Variants in B3GALT2 observed in about 807,000 individuals in gnomAD.
B3GALT2 encodes UDP-Gal:betaGlcNAc beta 1,3-galactosyltransferase, polypeptide 2.
A neutral mutation model predicts 33.5 loss-of-function variants in B3GALT2; 13 were observed. That is an observed-to-expected ratio of 0.39 (90% confidence interval 0.25 to 0.62). B3GALT2 has a LOEUF of 0.62. Ranked by LOEUF, B3GALT2 falls within the 20% of genes least tolerant of loss-of-function variation. The pLI is 0.53. For missense variants in B3GALT2, 418 were observed against 509.1 expected (o/e 0.82, Z 1.72); for synonymous variants, 195 against 172.7 (o/e 1.13, Z -1.01).
In B3GALT2 at chr1:193,181,267, G is replaced by A; in HGVS notation, c.296C>T (p.Ser99Phe). Residue 99 changes from serine to phenylalanine, a missense_variant, in exon 2 of 2, where the codon TCT (serine) becomes TTT (phenylalanine). Physicochemically the swap from Ser to Phe is radical, Grantham distance 155. This residue lies in a region of B3GALT2 where 188 missense variants were observed against 197.5 expected (regional missense o/e 0.95). Transcript: ENST00000367434. ...QTLRPQTATN[S>F]NNTDLSPQGV... ...TTGTGGTGACAGGTCTGTGTTATTA[G>A]AGTTAGTTGCTGTTTGAGGCCTCAG... is the stretch of plus-strand genomic sequence containing the variant. The A allele has an allele frequency of 1.2e-6, 2 of 1,614,058 alleles. No homozygotes were observed. Among genetic ancestry groups the A allele is most frequent in the Non-Finnish European group, 8.5e-7 (1 of 1,179,968 alleles).
At position 193,181,243 on chromosome 1, in the gene B3GALT2, TGTG is replaced by T. The variant is rs1483934633; in HGVS notation, c.317_319del (p.Pro106del). The T allele has an allele frequency of 3.1e-6, 5 of 1,614,076 alleles. No individual in the cohort carries two copies. Among genetic ancestry groups the T allele is most frequent in the South Asian group, 1.1e-5 (1 of 91,086 alleles). Reference sequence around the variant, plus strand: ...TGTATTCTCCAGGCCTGTAACTCCTTGTGGTGACAGGTCTGTGTTATTAGAGTT... The same window carrying T: ...TGTATTCTCCAGGCCTGTAACTCCTTGTGACAGGTCTGTGTTATTAGAGTT... On this transcript the variant is annotated inframe_deletion, in exon 2 of 2. Coordinates refer to ENST00000367434, the MANE Select transcript of B3GALT2 (RefSeq NM_003783.3).
At chr1:193,184,949 T>TA (rs1190999710) in intron 1 of B3GALT2, among the ~76,000 whole-genome samples, 4 of 152,020 alleles carry the variant, frequency 2.6e-5, no homozygotes, top group African/African-American at 9.7e-5. Flanking sequence ...GGATCTTTGA[T>TA]AGATTTGTAG....
chr1:193,181,164 A>T lies in B3GALT2; in HGVS notation c.399T>A (p.Ser133=). ...YNEKGTGHPN[S]YHFKYIINEP... ...CATTAATAATATATTTGAAATGGTA[A>T]GAATTTGGATGTCCAGTACCTTTTT... is the stretch of plus-strand genomic sequence containing the variant. Residue 133 remains serine, a synonymous_variant, in exon 2 of 2, where the codon TCT becomes TCA. Coordinates refer to ENST00000367434, the MANE Select transcript of B3GALT2 (RefSeq NM_003783.3). The T allele has an allele frequency of 6.2e-7, 1 of 1,613,936 alleles. No homozygotes were observed. Among genetic ancestry groups the T allele is most frequent in the South Asian group, 1.1e-5 (1 of 91,046 alleles).
Position 193,180,136 on chromosome 1 carries a change from T to A in B3GALT2, c.*158A>T. On this transcript the variant is annotated 3_prime_UTR_variant, in exon 2 of 2. Coordinates refer to ENST00000367434, the MANE Select transcript of B3GALT2 (RefSeq NM_003783.3). ...CTTTTTTGTTATATAATGTTATAGT[T>A]TTAAGAATTAACTTCTTCAGAAATT... The A allele has an allele frequency of 1.5e-6, 1 of 645,506 alleles. No individual in the cohort carries two copies. Among genetic ancestry groups the A allele is most frequent in the South Asian group, 3.6e-5 (1 of 27,822 alleles). The allele number at this position is 645,506 out of a possible 1,614,324, so 40.0% of individuals were successfully genotyped here. A position where few individuals can be genotyped will look rare whatever the true frequency, so the allele number is the denominator to read the frequency against.
At position 193,181,147 on chromosome 1, in the gene B3GALT2, A is replaced by G. The variant is rs764232357; in HGVS notation, c.416T>C (p.Ile139Thr). The change falls in exon 2 of 2, where the codon ATT (isoleucine) becomes ACT (threonine). Residue 139 changes from isoleucine to threonine, a missense_variant. Ile to Thr is a moderately conservative substitution (Grantham distance 89). Transcript: ENST00000367434. ...GHPNSYHFKY[I>T]INEPEKCQEK... Reference sequence around the variant, plus strand: ...TTGGCATTTTTCAGGCTCATTAATAATATATTTGAAATGGTAAGAATTTGG... The same window carrying G: ...TTGGCATTTTTCAGGCTCATTAATAGTATATTTGAAATGGTAAGAATTTGG... The G allele has an allele frequency of 1.9e-6, 3 of 1,614,012 alleles. No homozygotes were observed. The highest frequency in any genetic ancestry group is 2.5e-6 in the Non-Finnish European group (3 of 1,179,938).
chr1:193,183,828 A>C (rs375795480), intron 1 of B3GALT2, among the ~76,000 whole-genome samples: 2 of 152,018 alleles, frequency 1.3e-5, no homozygotes, highest in East Asian at 1.9e-4. Flanking sequence ...TAATACTTGG[A>C]ATCTGGTTGA....
At position 193,181,545 on chromosome 1, in the gene B3GALT2, TCTC is replaced by T. The variant is rs1676717083; in HGVS notation, c.15_17del (p.Arg7del). ...TCATCTTTGCAAAGCAGCAGTGTCT[TCTC>T]CTCCACTGAAGCATGTTGTAAATAT... On this transcript the variant is annotated inframe_deletion, in exon 2 of 2. Coordinates refer to ENST00000367434, the MANE Select transcript of B3GALT2 (RefSeq NM_003783.3). 5.0e-6 allele frequency: 8 copies of T among 1,593,960 alleles called. No homozygotes were observed. The highest frequency in any genetic ancestry group is 4.5e-5 in the East Asian group (2 of 44,822).
intron 1 of B3GALT2, among the ~76,000 whole-genome samples, chr1:193,181,894 G>A (rs1676723697): frequency 6.6e-6 from 1 of 152,104 alleles, no homozygotes; most frequent in Non-Finnish European, 1.5e-5. Flanking sequence ...ATTTTAAAGA[G>A]ATGAGGTGAT....
rs1490072277 is a variant in B3GALT2, at chr1:193,181,032, T to C, written c.531A>G (p.Glu177=). Residue 177 remains glutamate (E), a synonymous_variant, in exon 2 of 2, where the codon GAA becomes GAG. Coordinates refer to ENST00000367434, the MANE Select transcript of B3GALT2 (RefSeq NM_003783.3). ...TGATTTGAATACCAGGTGCTAGACT[T>C]TCATTGCCCCAAGTTTGCCGAATAG... ...RRAIRQTWGN[E]SLAPGIQITR... The C allele has an allele frequency of 6.2e-7, 1 of 1,613,854 alleles. No homozygotes were observed. Among genetic ancestry groups the C allele is most frequent in the Non-Finnish European group, 8.5e-7 (1 of 1,179,950 alleles).
In B3GALT2 at chr1:193,180,668, G is replaced by A; in HGVS notation, c.895C>T (p.Pro299Ser). ...CGCTCACTTGGGTAGAGGTCTGGTG[G>A]CATGTACCACTTGCTATCTTTGTTT... ...NRNKDSKWYM[P>S]PDLYPSERYP... is the part of the protein sequence containing the mutation. Residue 299 changes from proline to serine, a missense_variant, in exon 2 of 2, where the codon CCA becomes TCA. Physicochemically the swap from Pro to Ser is moderately conservative, Grantham distance 74. This residue lies in a region of B3GALT2 where 226 missense variants were observed against 293.9 expected (regional missense o/e 0.77). Transcript: ENST00000367434. 1 of 1,614,026 alleles carries A rather than the reference G, an allele frequency of 6.2e-7. No homozygotes were observed.
rs1459891802 is a variant in B3GALT2, at chr1:193,181,358, A to C, written c.205T>G (p.Ser69Ala). 1.2e-6 allele frequency: 2 copies of C among 1,614,000 alleles called. No homozygotes were observed. Among genetic ancestry groups the C allele is most frequent in the South Asian group, 2.2e-5 (2 of 91,082 alleles). The part of the protein sequence containing the change: ...PVTYTFRGFR[S>A]TKSETNHSSL... ...CTGTGGTTTGTCTCACTTTTTGTTG[A>C]CCGAAATCCTCGGAAAGTGTATGTC... The change falls in exon 2 of 2, where the codon TCA becomes GCA. Residue 69 changes from serine to alanine, a missense_variant. Ser to Ala is a moderately conservative substitution (Grantham distance 99). Around this residue, in one of 3 missense-constraint regions of B3GALT2, gnomAD observed 188 missense variants for 197.5 expected, o/e 0.95. Transcript: ENST00000367434.
rs1245602161 is a variant in B3GALT2 at position 193,181,636 on chromosome 1, T to C, written c.-74A>G. ...TTTTCTTCTCCTTAATACTATTCTT[T>C]GGCAATCATTTTCTAATTCAGTCAC... On this transcript the variant is annotated 5_prime_UTR_variant, in exon 2 of 2. Transcript: ENST00000367434. 2 of 1,320,396 alleles carry C rather than the reference T, an allele frequency of 1.5e-6. 1 individual carries two copies. Among genetic ancestry groups the C allele is most frequent in the South Asian group, 2.9e-5 (2 of 67,802 alleles). 81.8% of individuals were successfully genotyped at this position (1,320,396 alleles called of 1,614,324 possible). A position where few individuals can be genotyped will look rare whatever the true frequency, so the allele number is the denominator to read the frequency against.
chr1:193,181,974 A>G (rs1165175570), intron 1 of B3GALT2, among the ~76,000 whole-genome samples: 1 of 152,178 alleles, frequency 6.6e-6, no homozygotes, highest in Non-Finnish European at 1.5e-5. Context: ...TTAAAAGTTG[A>G]ATGTATTCGA....
chr1:193,182,348 T>C lies in B3GALT2; in HGVS notation c.-120-666A>G, dbSNP rs143430045. On this transcript the variant is annotated intron_variant, in intron 1 of 1. Coordinates refer to ENST00000367434, the MANE Select transcript of B3GALT2 (RefSeq NM_003783.3). ...TTTCAAAAATTTTAACTTTTCTTTG[T>C]AAATATGAAGTATTCATGATATAAT... Among the ~76,000 whole-genome samples, 127 of 152,290 alleles carry C rather than the reference T, an allele frequency of 8.3e-4. 1 individual carries two copies. The East Asian group carries it at 0.011, about 14-fold the overall frequency.
At chr1:193,185,757 C>T (rs1676795773) in intron 1 of B3GALT2, among the ~76,000 whole-genome samples, 1 of 151,912 alleles carries the variant, frequency 6.6e-6, no homozygotes, top group African/African-American at 2.4e-5. Flanking sequence ...TTAAGGAATC[C>T]TTTAAACACA....
chr1:193,180,786 A>G lies in B3GALT2; in HGVS notation c.777T>C (p.Thr259=), dbSNP rs1273663659. ...MKTDSDMFVN[T]EYLINKLLKP... is the part of the protein sequence containing the mutation. Reference sequence around the variant, plus strand: ...TCAGTAACTTATTGATTAAATATTCAGTGTTGACAAACATGTCACTGTCAG... The same window carrying G: ...TCAGTAACTTATTGATTAAATATTCGGTGTTGACAAACATGTCACTGTCAG... Residue 259 remains threonine (T), a synonymous_variant, in exon 2 of 2, where the codon ACT becomes ACC. Transcript: ENST00000367434. 6.2e-7 allele frequency: 1 copy of G among 1,614,134 alleles called. No homozygotes were observed. Among genetic ancestry groups the G allele is most frequent in the East Asian group, 2.2e-5 (1 of 44,892 alleles).
chr1:193,183,448 A>G (rs139370582), intron 1 of B3GALT2, among the ~76,000 whole-genome samples: 159 of 149,028 alleles, frequency 1.1e-3, no homozygotes, highest in African/African-American at 3.6e-3. Flanking sequence ...ATTTGTTTAT[A>G]TGAATTTAAA....
At position 193,181,041 on chromosome 1, in the gene B3GALT2, C is replaced by T; in HGVS notation, c.522G>A (p.Trp174Ter). 6.2e-7 allele frequency: 1 copy of T among 1,613,846 alleles called. No individual in the cohort carries two copies. Among genetic ancestry groups the T allele is most frequent in the Non-Finnish European group, 8.5e-7 (1 of 1,179,948 alleles). The part of the protein sequence containing the change: ...IEARRAIRQT[W>*]GNESLAPGIQ... ...TACCAGGTGCTAGACTTTCATTGCCCCAAGTTTGCCGAATAGCTCTTCTAG... is the reference window on the plus strand; with the variant it reads ...TACCAGGTGCTAGACTTTCATTGCCTCAAGTTTGCCGAATAGCTCTTCTAG... The change falls in exon 2 of 2, where the codon TGG (tryptophan) becomes TGA (stop). Residue 174 changes from tryptophan to a stop codon, truncating the protein, a stop_gained. Transcript: ENST00000367434. LOFTEE classifies it high-confidence loss of function.
chr1:193,180,873 T>C lies in B3GALT2; in HGVS notation c.690A>G (p.Lys230=). ...YLDTYYNLTI[K]TLMGMNWVAT... ...CAACCCAGTTCATGCCCATTAGTGT[T>C]TTAATGGTCAAATTATAGTACGTAT... The change falls in exon 2 of 2, where the codon AAA becomes AAG. Residue 230 remains lysine, a synonymous_variant. Coordinates refer to ENST00000367434, the MANE Select transcript of B3GALT2 (RefSeq NM_003783.3). 1.9e-6 allele frequency: 3 copies of C among 1,613,566 alleles called. No individual in the cohort carries two copies. In the South Asian group the frequency reaches 3.3e-5, roughly 18 times the overall value.
Sources: gnomAD v4.1 joint callset for allele counts (sites outside exome capture counted in the v4.1 genomes callset) on GRCh38, gnomAD v4.1.1 for gene constraint, gnomAD v4.1.1 regional missense constraint, MANE v1.5 for transcripts, NCBI Gene and HGNC (gene_info 2026-07-23, HGNC 2026-07-21) for gene names.